TTC31: variants seen among roughly 807,000 people sequenced by gnomAD.
The protein encoded by TTC31 is tetratricopeptide repeat domain 31.
A neutral mutation model predicts 60.4 loss-of-function variants in TTC31; 59 were observed. The observed-to-expected ratio is 0.98, with a 90% CI of 0.79 to 1.21. The LOEUF is 1.21. Ranked by LOEUF, TTC31 falls within the 50% of genes most tolerant of loss-of-function variation. TTC31 has a pLI of 0.00. For missense variants in TTC31, 672 were observed against 646.9 expected, an observed-to-expected ratio of 1.04 and a Z score of -0.42; for synonymous variants, 225 against 249.6, an observed-to-expected ratio of 0.90 and a Z score of 0.93.
chr2:74,492,505 C>A, intron 11 of TTC31, 60 bp downstream of exon 11: 1 of 1,530,822 alleles, frequency 6.5e-7, no homozygotes, highest in South Asian at 1.3e-5. Context: ...GGGAGAGGGT[C>A]TATGTTGACT....
At chr2:74,485,759 C>T (rs932865469) in intron 2 of TTC31, among the ~76,000 whole-genome samples, 1 of 151,968 alleles carries the variant, frequency 6.6e-6, no homozygotes, top group Non-Finnish European at 1.5e-5. Flanking sequence ...CGTGAGCCAC[C>T]GCACCTGGCC....
At chr2:74,491,869 A>G in intron 8 of TTC31, 135 bp from the exon 9 acceptor site, 1 of 1,480,602 alleles carries the variant, frequency 6.8e-7, no homozygotes, top group Non-Finnish European at 9.2e-7. Flanking sequence ...TAGGGCTGAT[A>G]CCATCTTGTA....
In TTC31 at chr2:74,492,706, G is replaced by T; in HGVS notation, c.1222G>T (p.Ala408Ser). The T allele has an allele frequency of 6.2e-7, 1 of 1,614,204 alleles. No individual in the cohort carries two copies. Reference protein sequence around the residue: ...ETLRGGSQPDAARELRSCLLH... With the variant: ...ETLRGGSQPDSARELRSCLLH... ...TCTGAGAGGTGGGTCCCAGCCTGAC[G>T]CAGCCCGAGAGCTCCGCTCTTGCCT... The change falls in exon 12 of 13, where the codon GCA becomes TCA. Residue 408 changes from alanine to serine, a missense_variant. Ala to Ser is a moderately conservative substitution (Grantham distance 99). Transcript: ENST00000233623.
chr2:74,483,205 T>G, intron 1 of TTC31, 70 bp downstream of exon 1: 4 of 1,613,696 alleles, frequency 2.5e-6, no homozygotes, highest in Non-Finnish European at 3.4e-6. Context: ...CCACCTGTGG[T>G]CTGAACGTTT....
chr2:74,493,255 A>G lies in TTC31; in HGVS notation c.*37A>G, dbSNP rs766806399. The G allele has an allele frequency of 2.5e-6, 4 of 1,599,666 alleles. No individual in the cohort carries two copies. The South Asian group carries it at 4.4e-5, about 18-fold the overall frequency. On this transcript the variant is annotated 3_prime_UTR_variant, in exon 13 of 13. Coordinates refer to ENST00000233623, the MANE Select transcript of TTC31 (RefSeq NM_022492.6). Reference sequence around the variant, plus strand: ...TCCCTCATAGGGCAGGGCCATGTATATATCCCTTGGTGGGGGACATAGTGT... The same window carrying G: ...TCCCTCATAGGGCAGGGCCATGTATGTATCCCTTGGTGGGGGACATAGTGT...
intron 11 of TTC31, 98 bp from the exon 12 acceptor site, chr2:74,492,548 A>G (rs1489953416): frequency 5.2e-6 from 8 of 1,546,652 alleles, no homozygotes; most frequent in Non-Finnish European, 6.1e-6. Flanking sequence ...AAAGTGTCAC[A>G]ATGGTTGTGG....
At chr2:74,491,856 A>C in intron 8 of TTC31, 148 bp from the exon 9 acceptor site, 2 of 1,456,334 alleles carry the variant, frequency 1.4e-6, no homozygotes, top group South Asian at 2.6e-5. Context: ...CTGTCTAGGA[A>C]GATAGGGCTG....
In TTC31 at chr2:74,491,585, A is replaced by G. The variant is rs1233457597; in HGVS notation, c.789A>G (p.Gln263=). ...AGAAGGGACTGAACCAGGAGCCCCA[A>G]GGCAGGGGTCTGGCCCTCCAGAAGA... The part of the protein sequence containing the change: ...RREKGLNQEP[Q]GRGLALQKMG... Residue 263 remains glutamine (Q), a synonymous_variant, in exon 8 of 13, where the codon CAA becomes CAG. Transcript: ENST00000233623. 6 of 1,614,254 alleles carry G rather than the reference A, an allele frequency of 3.7e-6. No homozygotes were observed. Among genetic ancestry groups the G allele is most frequent in the Middle Eastern group, 1.6e-4 (1 of 6,062 alleles).
intron 5 of TTC31, 123 bp from the exon 6 acceptor site, chr2:74,491,005 C>CA: frequency 7.3e-7 from 1 of 1,368,662 alleles, no homozygotes; most frequent in South Asian, 1.3e-5. Flanking sequence ...TTTTCACCTG[C>CA]AAAATGAGGA....
chr2:74,483,306 C>T lies in TTC31; in HGVS notation c.41-16C>T. The T allele has an allele frequency of 6.2e-7, 1 of 1,613,916 alleles. No homozygotes were observed. Among genetic ancestry groups the T allele is most frequent in the Non-Finnish European group, 8.5e-7 (1 of 1,180,036 alleles). On this transcript the variant is annotated splice_polypyrimidine_tract_variant and intron_variant, in intron 1 of 12. Coordinates refer to ENST00000233623, the MANE Select transcript of TTC31 (RefSeq NM_022492.6). ...TCCCGAGCCCGCTGACGAGGCTCCG[C>T]CTTCCTTTCCTGTAGACTGCTCTCT...
In TTC31 at chr2:74,494,550, T is replaced by C. The variant is rs1674265188; in HGVS notation, c.*1332T>C. On this transcript the variant is annotated 3_prime_UTR_variant, in exon 13 of 13. Transcript: ENST00000233623. Reference sequence around the variant, plus strand: ...TAGTGGGTGCTAAATAAACCACTTTTTGTCTGCAACTGTCCTACATAGTCA... The same window carrying C: ...TAGTGGGTGCTAAATAAACCACTTTCTGTCTGCAACTGTCCTACATAGTCA... 1 of 152,198 alleles carries C rather than the reference T, an allele frequency of 6.6e-6. No homozygotes were observed. Among genetic ancestry groups the C allele is most frequent in the African/African-American group, 2.4e-5 (1 of 41,440 alleles). The allele number at this position is 152,198 out of a possible 1,614,324, so 9.4% of individuals were successfully genotyped here. A position where few individuals can be genotyped will look rare whatever the true frequency, so the allele number is the denominator to read the frequency against.
At position 74,490,726 on chromosome 2, in the gene TTC31, G is replaced by A. The variant is rs756569764; in HGVS notation, c.533G>A (p.Arg178Gln). 5.0e-5 allele frequency: 80 copies of A among 1,612,916 alleles called. No homozygotes were observed. The highest frequency in any genetic ancestry group is 5.9e-5 in the Non-Finnish European group (70 of 1,179,570). ...ERMKQKAEKK[R>Q]LKKKRQKERK... ...ATGAAACAGAAAGCAGAGAAAAAGC[G>A]ACTCAAGAAGAAGGTGGCTAGAGCA... The change falls in exon 5 of 13, where the codon CGA (arginine) becomes CAA (glutamine). Residue 178 changes from arginine (R) to glutamine (Q), a missense_variant. Physicochemically the swap from Arg to Gln is conservative, Grantham distance 43 (BLOSUM62 1). Coordinates refer to ENST00000233623, the MANE Select transcript of TTC31 (RefSeq NM_022492.6).
chr2:74,493,121 C>G lies in TTC31; in HGVS notation c.1463C>G (p.Thr488Ser), dbSNP rs776692941. ...CACCCCAACCAGCCCCTCTCCCAGACTCAGAGTAGAAGGCCCCATCCTCTC... is the reference window on the plus strand; with the variant it reads ...CACCCCAACCAGCCCCTCTCCCAGAGTCAGAGTAGAAGGCCCCATCCTCTC... ...RSHPNQPLSQTQSRRPHPLKP... is the reference protein window; with the variant it reads ...RSHPNQPLSQSQSRRPHPLKP... The change falls in exon 13 of 13, where the codon ACT (threonine) becomes AGT (serine). Residue 488 changes from threonine (T) to serine (S), a missense_variant. By Grantham distance (58) the Thr-to-Ser change is moderately conservative (BLOSUM62 1). Coordinates refer to ENST00000233623, the MANE Select transcript of TTC31 (RefSeq NM_022492.6). The G allele has an allele frequency of 1.2e-6, 2 of 1,614,168 alleles. No individual in the cohort carries two copies. Among genetic ancestry groups the G allele is most frequent in the East Asian group, 4.5e-5 (2 of 44,884 alleles).
At chr2:74,487,789 C>T (rs1377056640) in intron 2 of TTC31, among the ~76,000 whole-genome samples, 6 of 152,112 alleles carry the variant, frequency 3.9e-5, no homozygotes, top group Non-Finnish European at 7.4e-5. Flanking sequence ...GAGCAATTCT[C>T]GTGCCTCAGC....
rs370951288 is a variant in TTC31 at position 74,483,141 on chromosome 2, C to T, written c.40+6C>T. On this transcript the variant is annotated splice_donor_region_variant and intron_variant, in intron 1 of 12. Coordinates refer to ENST00000233623, the MANE Select transcript of TTC31 (RefSeq NM_022492.6). ...TGTGGGGCGGATCAAGCTAGGTGAG[C>T]GGTATGACAAGACCAGTGGGGGTCT... 1.5e-5 allele frequency: 24 copies of T among 1,614,070 alleles called. No individual in the cohort carries two copies. Among genetic ancestry groups the T allele is most frequent in the South Asian group, 3.3e-5 (3 of 91,086 alleles).
intron 2 of TTC31, among the ~76,000 whole-genome samples, chr2:74,483,939 C>T (rs1177553888): frequency 2.3e-5 from 3 of 128,192 alleles, no homozygotes; most frequent in Non-Finnish European, 3.3e-5. Context: ...GAGACTCTGT[C>T]TAAAAAAAAA....
intron 5 of TTC31, 161 bp from the exon 6 acceptor site, chr2:74,490,967 C>A: frequency 1.0e-6 from 1 of 999,172 alleles, no homozygotes; most frequent in East Asian, 2.6e-5. Flanking sequence ...TTACATGAGG[C>A]CTCTTGCTGG....
In TTC31 at chr2:74,491,305, C is replaced by T. The variant is rs1313358096; in HGVS notation, c.614C>T (p.Thr205Ile). 2.5e-6 allele frequency: 4 copies of T among 1,614,192 alleles called. No homozygotes were observed. The change falls in exon 7 of 13, where the codon ACC becomes ATC. Residue 205 changes from threonine (T) to isoleucine (I), a missense_variant. Coordinates refer to ENST00000233623, the MANE Select transcript of TTC31 (RefSeq NM_022492.6). ...CTATCTTTCTTCCAGGCCAGCACTA[C>T]CTCAGATGGAGATGAGAGCCCCCCA... The part of the protein sequence containing the change: ...QYCGEPKAST[T>I]SDGDESPPSS...
chr2:74,492,502 G>C (rs1674037253), intron 11 of TTC31, 57 bp downstream of exon 11: 1 of 1,531,244 alleles, frequency 6.5e-7, no homozygotes, highest in African/African-American at 1.4e-5. Context: ...GTGGGGAGAG[G>C]GTCTATGTTG....
Sources: allele counts gnomAD v4.1 joint callset (sites outside exome capture counted in the v4.1 genomes callset), GRCh38; gene constraint gnomAD v4.1.1; transcripts MANE v1.5; gene names NCBI Gene and HGNC (gene_info 2026-07-23, HGNC 2026-07-21).